INSL6: variants seen among roughly 807,000 people sequenced by gnomAD.
INSL6 encodes insulin-like peptide INSL6.
A neutral mutation model predicts 9.4 loss-of-function variants in INSL6; 16 were observed. That is an observed-to-expected ratio of 1.70 (90% CI 1.15 to 2.59). The LOEUF is 2.59. INSL6 is among the 30% of genes most tolerant of loss of function. The pLI, the probability that INSL6 is intolerant of heterozygous loss-of-function variation, is 0.00. For missense variants in INSL6, 391 were observed against 257.3 expected (o/e 1.52, Z -3.56); for synonymous variants, 154 against 96.9 (o/e 1.59, Z -3.46).
the INSL6 span, chr9:5,080,179 T>A: frequency 7.5e-7 from 1 of 1,325,224 alleles, no homozygotes; most frequent in Non-Finnish European, 1.0e-6. Context: ...TATAAAAGAT[T>A]GGTTTACTTG....
the INSL6 span, among the ~76,000 whole-genome samples, chr9:5,115,545 G>C: frequency 1.3e-5 from 2 of 152,180 alleles, no homozygotes; most frequent in African/African-American, 2.4e-5. Context: ...ATTTCACTGA[G>C]CAATTCCATT....
chr9:5,038,950 C>T, the INSL6 span, among the ~76,000 whole-genome samples: 1 of 152,012 alleles, frequency 6.6e-6, no homozygotes, highest in Admixed American at 6.6e-5. Flanking sequence ...TTGATAAAAT[C>T]CAGCATCCCA....
the INSL6 span, among the ~76,000 whole-genome samples, chr9:5,067,271 A>G: frequency 6.6e-6 from 1 of 152,152 alleles, no homozygotes; most frequent in Non-Finnish European, 1.5e-5. Context: ...TAATATTTTT[A>G]AGAATAGTGG....
the INSL6 span, among the ~76,000 whole-genome samples, chr9:5,115,534 C>T: frequency 1.3e-5 from 2 of 152,256 alleles, no homozygotes; most frequent in Admixed American, 6.5e-5. Context: ...TTAGAAATAC[C>T]ATTTCACTGA....
At chr9:4,998,924 C>G in the INSL6 span, among the ~76,000 whole-genome samples, 1 of 151,956 alleles carries the variant, frequency 6.6e-6, no homozygotes, top group Non-Finnish European at 1.5e-5. Context: ...CGGGTTCACG[C>G]CATTCTCCTG....
chr9:5,072,537 G>A, the INSL6 span: 8 of 1,606,132 alleles, frequency 5.0e-6, no homozygotes, highest in East Asian at 4.5e-5. Context: ...TTTTAAAGGC[G>A]TACGAAGAGA....
chr9:5,155,441 G>A (rs1380223562), intron 2 of INSL6, among the ~76,000 whole-genome samples: 6 of 149,642 alleles, frequency 4.0e-5, no homozygotes, highest in Non-Finnish European at 8.9e-5. Context: ...AAACCTGCAC[G>A]TTATGCACAT....
chr9:5,040,292 C>G, the INSL6 span, among the ~76,000 whole-genome samples: 1 of 137,984 alleles, frequency 7.2e-6, no homozygotes, highest in Non-Finnish European at 1.6e-5. Flanking sequence ...ACACTATATA[C>G]AAAAAAAAAA....
chr9:5,136,347 T>C (rs1246824518), intron 2 of INSL6, among the ~76,000 whole-genome samples: 1 of 152,198 alleles, frequency 6.6e-6, no homozygotes, highest in Non-Finnish European at 1.5e-5. Flanking sequence ...ATATCCCTGA[T>C]AAACACTGAT....
At chr9:5,024,610 T>C in the INSL6 span, among the ~76,000 whole-genome samples, 1 of 152,146 alleles carries the variant, frequency 6.6e-6, no homozygotes, top group Admixed American at 6.5e-5. Flanking sequence ...GTGCTGTCAT[T>C]TCCCAAATAA....
chr9:5,144,404 G>T (rs779103168), intron 2 of INSL6, among the ~76,000 whole-genome samples: 1 of 152,184 alleles, frequency 6.6e-6, no homozygotes, highest in Non-Finnish European at 1.5e-5. Flanking sequence ...ATTTGCTCAA[G>T]AGTGTTTTAC....
intron 2 of INSL6, among the ~76,000 whole-genome samples, chr9:5,149,866 CCAAAG>C (rs1361906112): frequency 3.3e-5 from 5 of 152,094 alleles, no homozygotes; most frequent in Non-Finnish European, 5.9e-5. Flanking sequence ...GCTATAATAA[CCAAAG>C]CAACAGGCTA....
At chr9:5,062,356 G>A in the INSL6 span, among the ~76,000 whole-genome samples, 14 of 151,984 alleles carry the variant, frequency 9.2e-5, no homozygotes, top group East Asian at 3.9e-4. Flanking sequence ...ACAAATCACC[G>A]TAACAGGTAT....
At chr9:5,008,176 T>C in the INSL6 span, among the ~76,000 whole-genome samples, 1 of 152,230 alleles carries the variant, frequency 6.6e-6, no homozygotes, top group African/African-American at 2.4e-5. Flanking sequence ...TTATAGTCTA[T>C]ACATAAAGTC....
At chr9:5,066,644 T>G in the INSL6 span, 1 of 1,114,540 alleles carries the variant, frequency 9.0e-7, no homozygotes, top group Non-Finnish European at 1.4e-6. Context: ...TGGTGCTTGA[T>G]ATATTATTCA....
chr9:5,165,587 CT>C (rs1398340943), intron 1 of INSL6, among the ~76,000 whole-genome samples: 1 of 152,118 alleles, frequency 6.6e-6, no homozygotes, highest in Non-Finnish European at 1.5e-5. Flanking sequence ...TCTTCAAATC[CT>C]TTGCCCATTT....
intron 1 of INSL6, among the ~76,000 whole-genome samples, chr9:5,173,984 A>G (rs952049513): frequency 6.6e-6 from 1 of 152,172 alleles, no homozygotes; most frequent in African/African-American, 2.4e-5. Context: ...ATCTCTTAAC[A>G]GGTACACCCA....
the INSL6 span, among the ~76,000 whole-genome samples, chr9:5,040,629 C>G: frequency 6.6e-3 from 1,013 of 152,342 alleles, 13 homozygotes; most frequent in African/African-American, 0.024. Context: ...ACAATGACAA[C>G]TTAATTTAAA....
the INSL6 span, among the ~76,000 whole-genome samples, chr9:5,049,965 T>C: frequency 2.0e-5 from 3 of 152,192 alleles, no homozygotes; most frequent in African/African-American, 7.2e-5. Flanking sequence ...TACAATCTTA[T>C]GGAACCATCG....
Sources: allele counts gnomAD v4.1 joint callset (sites outside exome capture counted in the v4.1 genomes callset), GRCh38; gene constraint gnomAD v4.1.1; transcripts MANE v1.5; gene names NCBI Gene and HGNC (gene_info 2026-07-23, HGNC 2026-07-21).